The following FOXP1 variants were observed in gnomAD, a reference collection of about 807,000 sequenced individuals.
The protein encoded by FOXP1 is forkhead box protein P1.
In FOXP1, 15 loss-of-function variants were observed where a neutral mutation model predicts 98.2. That is an observed-to-expected ratio of 0.15 (90% confidence interval 0.10 to 0.24). The LOEUF (loss-of-function observed/expected upper bound fraction) is 0.24. Among genes scored for constraint, FOXP1 ranks in the 10% least tolerant of loss-of-function variants. The probability of loss-of-function intolerance (pLI) is 1.00; values close to 1 mark genes in which losing one functional copy is unlikely to be tolerated. For synonymous variants in FOXP1, 371 were observed against 314.5 expected, an observed-to-expected ratio of 1.18 and a Z score of -1.90; for missense variants, 633 against 848.5, an observed-to-expected ratio of 0.75 and a Z score of 3.15.
rs1553767979 is a variant in FOXP1, at chr3:71,174,819, C to CACAT, written c.180+23382_180+23383insATGT. On this transcript the variant is annotated intron_variant, in intron 6 of 20. Coordinates refer to ENST00000649528, the MANE Select transcript of FOXP1 (RefSeq NM_001349338.3). ...ACACACACACACACACACACACACA[C>CACAT]ACACACACCCCAATATACCCCAGGG... Among the ~76,000 whole-genome samples, 487 of 151,302 alleles carry CACAT rather than the reference C, an allele frequency of 3.2e-3. 4 individuals carry two copies. The highest frequency in any genetic ancestry group is 0.011 in the African/African-American group (437 of 40,914).
chr3:71,281,952 A>G (rs1045045825), intron 5 of FOXP1, among the ~76,000 whole-genome samples: 1 of 151,726 alleles, frequency 6.6e-6, no homozygotes. Context: ...CAAAAAAAAA[A>G]AAAAAATTAA....
At chr3:71,504,816 G>A (rs954533125) in intron 2 of FOXP1, among the ~76,000 whole-genome samples, 2 of 152,176 alleles carry the variant, frequency 1.3e-5, no homozygotes, top group African/African-American at 4.8e-5. Flanking sequence ...TGTTCAATGC[G>A]GTCGTAGGAC....
chr3:70,972,908 C>G (rs1019239185), intron 17 of FOXP1, among the ~76,000 whole-genome samples: 2 of 152,190 alleles, frequency 1.3e-5, no homozygotes, highest in Non-Finnish European at 2.9e-5. Context: ...CTGGTAATAA[C>G]TGACCAGCAG....
At chr3:71,009,256 T>C (rs1232122945) in intron 12 of FOXP1, among the ~76,000 whole-genome samples, 1 of 148,988 alleles carries the variant, frequency 6.7e-6, no homozygotes, top group Non-Finnish European at 1.5e-5. Context: ...GATAGCTATG[T>C]CCGGGGCCAC....
intron 6 of FOXP1, among the ~76,000 whole-genome samples, chr3:71,153,007 A>G (rs2060646987): frequency 6.6e-6 from 1 of 152,172 alleles, no homozygotes; most frequent in Non-Finnish European, 1.5e-5. Context: ...CTCCCAAGTC[A>G]CCAGCTTCCA....
At chr3:71,224,269 G>T (rs2065652603) in intron 5 of FOXP1, among the ~76,000 whole-genome samples, 1 of 152,136 alleles carries the variant, frequency 6.6e-6, no homozygotes, top group African/African-American at 2.4e-5. Flanking sequence ...ATGCAGAACT[G>T]CATACAGGGA....
chr3:71,319,406 A>G (rs572852541), intron 4 of FOXP1, among the ~76,000 whole-genome samples: 133 of 152,164 alleles, frequency 8.7e-4, no homozygotes, highest in Non-Finnish European at 1.4e-3. Flanking sequence ...CTAAGTTGCT[A>G]CTAACTACTA....
chr3:70,958,937 TG>T lies in FOXP1; in HGVS notation c.*309del, dbSNP rs1406789593. Reference sequence around the variant, plus strand: ...GCAGTTCAAAGTCTGCTGCTAAAAGTGAATCAGTTTAGCAAATTTACAACAC... The same window carrying T: ...GCAGTTCAAAGTCTGCTGCTAAAAGTAATCAGTTTAGCAAATTTACAACAC... On this transcript the variant is annotated 3_prime_UTR_variant, in exon 21 of 21. Coordinates refer to ENST00000649528, the MANE Select transcript of FOXP1 (RefSeq NM_001349338.3). 1 of 428,224 alleles carries T rather than the reference TG, an allele frequency of 2.3e-6. No individual in the cohort carries two copies. Among genetic ancestry groups the T allele is most frequent in the Admixed American group, 3.7e-5 (1 of 26,706 alleles). 26.5% of individuals were successfully genotyped at this position (428,224 alleles called of 1,614,324 possible).
intron 11 of FOXP1, among the ~76,000 whole-genome samples, chr3:71,035,794 G>C (rs759921268): frequency 1.3e-5 from 2 of 151,722 alleles, no homozygotes; most frequent in Non-Finnish European, 2.9e-5. Context: ...CTGAAATGAG[G>C]AAAAACTCTT....
chr3:71,319,633 T>C (rs1039486089), intron 4 of FOXP1, among the ~76,000 whole-genome samples: 1 of 152,156 alleles, frequency 6.6e-6, no homozygotes, highest in Non-Finnish European at 1.5e-5. Flanking sequence ...CTTCTAAACA[T>C]CCTGCAGCCC....
intron 2 of FOXP1, among the ~76,000 whole-genome samples, chr3:71,568,370 A>G (rs2047078012): frequency 6.6e-6 from 1 of 152,242 alleles, no homozygotes; most frequent in African/African-American, 2.4e-5. Flanking sequence ...CCTGTTCTAC[A>G]GAGGAAGAAC....
intron 4 of FOXP1, among the ~76,000 whole-genome samples, chr3:71,335,945 G>C (rs935070774): frequency 2.1e-5 from 3 of 146,258 alleles, no homozygotes; most frequent in African/African-American, 7.6e-5. Flanking sequence ...CGGAGGCGGA[G>C]GTTGCAGTGG....
At chr3:71,355,957 G>C (rs1052365780) in intron 4 of FOXP1, among the ~76,000 whole-genome samples, 1 of 151,964 alleles carries the variant, frequency 6.6e-6, no homozygotes, top group Non-Finnish European at 1.5e-5. Context: ...TCTTTGCCAC[G>C]GACCTGTGGC....
intron 6 of FOXP1, among the ~76,000 whole-genome samples, chr3:71,113,142 G>T (rs906483213): frequency 6.6e-6 from 1 of 152,152 alleles, no homozygotes; most frequent in Non-Finnish European, 1.5e-5. Flanking sequence ...ATATACTATG[G>T]ATTAGGCTAC....
intron 2 of FOXP1, among the ~76,000 whole-genome samples, chr3:71,566,505 C>T (rs1287461029): frequency 6.6e-6 from 1 of 152,202 alleles, no homozygotes. Flanking sequence ...GTATCATTTC[C>T]AGTCCCTGTA....
chr3:71,433,415 C>G (rs1027312616), intron 3 of FOXP1, among the ~76,000 whole-genome samples: 2 of 152,056 alleles, frequency 1.3e-5, no homozygotes, highest in Non-Finnish European at 2.9e-5. Context: ...CTGAAATGCA[C>G]GTGCAATTGA....
intron 18 of FOXP1, 93 bp downstream of exon 18, chr3:70,972,462 T>G: frequency 6.4e-7 from 1 of 1,557,818 alleles, no homozygotes; most frequent in Non-Finnish European, 8.9e-7. Context: ...AACCAGTTCT[T>G]TGGTCTAACA....
At chr3:71,201,614 A>G (rs1036901170) in intron 5 of FOXP1, among the ~76,000 whole-genome samples, 1 of 152,128 alleles carries the variant, frequency 6.6e-6, no homozygotes, top group Non-Finnish European at 1.5e-5. Context: ...GCAACAGAGC[A>G]AGGCTCTGTC....
At chr3:71,511,530 C>T (rs2042205070) in intron 2 of FOXP1, among the ~76,000 whole-genome samples, 2 of 151,496 alleles carry the variant, frequency 1.3e-5, no homozygotes, top group Admixed American at 6.6e-5. Flanking sequence ...AACCCCAAAA[C>T]ATCTCTGTCT....
Sources: gnomAD v4.1 joint callset for allele counts (sites outside exome capture counted in the v4.1 genomes callset) on GRCh38, gnomAD v4.1.1 for gene constraint, MANE v1.5 for transcripts, NCBI Gene and HGNC (gene_info 2026-07-23, HGNC 2026-07-21) for gene names.